The following AFF1 variants were observed in gnomAD, a reference collection of about 807,000 sequenced individuals.
The protein encoded by AFF1 is AF4/FMR2 family member 1.
Under a neutral mutation model 121.7 loss-of-function variants are expected in AFF1, and 48 were observed. The observed-to-expected ratio is 0.39, with a 90% CI of 0.31 to 0.50. AFF1 has a LOEUF of 0.50. Among genes scored for constraint, AFF1 ranks in the 20% least tolerant of loss-of-function variants. The pLI is 0.76. For missense variants in AFF1, 1,523 were observed against 1,511.7 expected (o/e 1.01, Z -0.12); for synonymous variants, 613 against 563.0 (o/e 1.09, Z -1.26).
Position 87,013,032 on chromosome 4 carries a change from C to CTTTTTTTTT in AFF1, c.39-33116_39-33108dup, listed in dbSNP as rs61071328. On this transcript the variant is annotated intron_variant, in intron 2 of 20. Transcript: ENST00000395146. ...AACCAGATTGAACTGCTATCAAGTT[C>CTTTTTTTTT]TTTTTTTTTTTTTTTTTTTTTTTTT... Among the ~76,000 whole-genome samples, 218 of 93,440 alleles carry CTTTTTTTTT rather than the reference C, an allele frequency of 2.3e-3. 30 individuals are homozygous for CTTTTTTTTT. Among genetic ancestry groups the CTTTTTTTTT allele is most frequent in the African/African-American group, 7.5e-3 (174 of 23,214 alleles). 61.3% of individuals were successfully genotyped at this position (93,440 alleles called of 152,430 possible). A position where few individuals can be genotyped will look rare whatever the true frequency, so the allele number is the denominator to read the frequency against.
chr4:86,952,713 G>A (rs1048151115), intron 2 of AFF1, among the ~76,000 whole-genome samples: 4 of 137,412 alleles, frequency 2.9e-5, no homozygotes, highest in East Asian at 2.2e-4. Context: ...TTTTGAGATG[G>A]AGTCTCACTC....
At position 87,139,535 on chromosome 4, in the gene AFF1, A is replaced by G. The variant is rs1729554736; in HGVS notation, c.*3834A>G. 2 of 230,800 alleles carry G rather than the reference A, an allele frequency of 8.7e-6. No individual in the cohort carries two copies. Among genetic ancestry groups the G allele is most frequent in the Non-Finnish European group, 1.7e-5 (2 of 116,356 alleles). The allele number at this position is 230,800 out of a possible 1,614,324, so 14.3% of individuals were successfully genotyped here. A position where few individuals can be genotyped will look rare whatever the true frequency, so the allele number is the denominator to read the frequency against. On this transcript the variant is annotated 3_prime_UTR_variant, in exon 21 of 21. Transcript: ENST00000395146. ...TATTTTGTGCTTTCTTTAGAAACAC[A>G]AGAGTATAGATTTTTCTCACTGAAA...
At chr4:87,059,140 A>G (rs942604492) in intron 4 of AFF1, among the ~76,000 whole-genome samples, 1 of 152,112 alleles carries the variant, frequency 6.6e-6, no homozygotes, top group Non-Finnish European at 1.5e-5. Flanking sequence ...TTAAGATTCA[A>G]CTGCCGTTGC....
At chr4:87,034,830 T>A (rs1729406358) in intron 2 of AFF1, among the ~76,000 whole-genome samples, 1 of 151,726 alleles carries the variant, frequency 6.6e-6, no homozygotes, top group African/African-American at 2.4e-5. Context: ...TGTCGTTAGA[T>A]AATAAATAGA....
At chr4:86,983,611 G>C (rs1267410850) in intron 2 of AFF1, among the ~76,000 whole-genome samples, 2 of 151,950 alleles carry the variant, frequency 1.3e-5, no homozygotes, top group Non-Finnish European at 2.9e-5. Flanking sequence ...TTTAATCTCA[G>C]CTACTGAGAA....
At position 87,047,780 on chromosome 4, in the gene AFF1, T is replaced by G. The variant is rs955698792; in HGVS notation, c.1059+186T>G. On this transcript the variant is annotated intron_variant, in intron 4 of 20. Coordinates refer to ENST00000395146, the MANE Select transcript of AFF1 (RefSeq NM_001166693.3). ...CAGATCTGAGATGGACGACTGATTA[T>G]AGATATTGAAATGCAGTTTGCAGAA... The G allele has an allele frequency of 3.7e-6, 3 of 811,540 alleles. No individual in the cohort carries two copies. In the African/African-American group the frequency reaches 5.1e-5, roughly 14 times the overall value. The allele number at this position is 811,540 out of a possible 1,614,324, so 50.3% of individuals were successfully genotyped here.
rs757422846 is a variant in AFF1 at position 87,047,383 on chromosome 4, C to T, written c.848C>T (p.Pro283Leu). The T allele has an allele frequency of 6.2e-7, 1 of 1,611,792 alleles. No individual in the cohort carries two copies. The highest frequency in any genetic ancestry group is 8.5e-7 in the Non-Finnish European group (1 of 1,177,922). Residue 283 changes from proline to leucine, a missense_variant, in exon 4 of 21, where the codon CCT becomes CTT. Coordinates refer to ENST00000395146, the MANE Select transcript of AFF1 (RefSeq NM_001166693.3). The stretch of plus-strand genomic sequence containing the variant: ...CAGCCGCCTTCTCAGACATTTCCAC[C>T]TCCCTCCCTCCCCTCAAAAAGTGTT... ...PAQPPSQTFP[P>L]PSLPSKSVAM...
intron 4 of AFF1, among the ~76,000 whole-genome samples, chr4:87,081,981 C>G (rs1426741101): frequency 6.6e-6 from 1 of 152,168 alleles, no homozygotes; most frequent in African/African-American, 2.4e-5. Context: ...TTATGGAGAT[C>G]AGAAAGAAGT....
At chr4:87,133,569 T>C (rs1198859207) in intron 19 of AFF1, among the ~76,000 whole-genome samples, 1 of 152,202 alleles carries the variant, frequency 6.6e-6, no homozygotes, top group Non-Finnish European at 1.5e-5. Flanking sequence ...CCTTCAATCA[T>C]TTGTCCATCC....
intron 2 of AFF1, chr4:87,007,572 A>C: frequency 9.0e-7 from 1 of 1,107,606 alleles, no homozygotes; most frequent in Non-Finnish European, 1.3e-6. Flanking sequence ...TGGCTTGACT[A>C]AATGTCAGAT....
chr4:87,035,693 G>A (rs1200425435), intron 2 of AFF1, among the ~76,000 whole-genome samples: 1 of 152,154 alleles, frequency 6.6e-6, no homozygotes, highest in Non-Finnish European at 1.5e-5. Context: ...TTGTGGAGAT[G>A]GACAACCCAG....
intron 2 of AFF1, among the ~76,000 whole-genome samples, chr4:87,024,703 G>T (rs997352922): frequency 1.3e-5 from 2 of 152,150 alleles, no homozygotes; most frequent in African/African-American, 2.4e-5. Flanking sequence ...CAATTCTCCT[G>T]CCTCAGCCTC....
At chr4:87,054,580 T>C (rs1327048049) in intron 4 of AFF1, among the ~76,000 whole-genome samples, 1 of 152,230 alleles carries the variant, frequency 6.6e-6, no homozygotes, top group Non-Finnish European at 1.5e-5. Flanking sequence ...TCAGTGAGCC[T>C]GGGCAGACCT....
chr4:87,124,919 C>A, intron 12 of AFF1, 118 bp from the exon 13 acceptor site: 1 of 701,950 alleles, frequency 1.4e-6, no homozygotes, highest in Non-Finnish European at 2.3e-6. Flanking sequence ...GGTTGCTGTG[C>A]GTACAGAGAT....
chr4:87,029,352 CAG>C (rs1728841843), intron 2 of AFF1, among the ~76,000 whole-genome samples: 1 of 152,150 alleles, frequency 6.6e-6, no homozygotes, highest in Non-Finnish European at 1.5e-5. Context: ...CATTTGAAGA[CAG>C]AGGTTTAACG....
chr4:87,006,544 A>G (rs1726135713), intron 2 of AFF1, among the ~76,000 whole-genome samples: 1 of 152,250 alleles, frequency 6.6e-6, no homozygotes, highest in African/African-American at 2.4e-5. Context: ...AAGGAAATCA[A>G]AACTGAAAGC....
intron 2 of AFF1, among the ~76,000 whole-genome samples, chr4:86,989,383 C>A (rs1724529721): frequency 6.6e-6 from 1 of 152,200 alleles, no homozygotes; most frequent in South Asian, 2.1e-4. Flanking sequence ...TGAATAGAGA[C>A]TTCTCAAAAG....
intron 2 of AFF1, among the ~76,000 whole-genome samples, chr4:86,983,434 G>GA (rs543396768): frequency 1.5e-3 from 235 of 152,236 alleles, no homozygotes; most frequent in African/African-American, 5.5e-3. Context: ...GCTGAGGCAG[G>GA]AGAATCACTT....
intron 2 of AFF1, among the ~76,000 whole-genome samples, chr4:86,981,537 T>G (rs1168084611): frequency 1.3e-5 from 2 of 151,916 alleles, no homozygotes; most frequent in East Asian, 3.9e-4. Flanking sequence ...CCCAGCTAAT[T>G]TTTGTATTTT....
Sources: gnomAD v4.1 joint callset for allele counts (sites outside exome capture counted in the v4.1 genomes callset) on GRCh38, gnomAD v4.1.1 for gene constraint, MANE v1.5 for transcripts, NCBI Gene and HGNC (gene_info 2026-07-23, HGNC 2026-07-21) for gene names.